UNC5D: variants seen among roughly 807,000 people sequenced by gnomAD.
The protein encoded by UNC5D is netrin receptor UNC5D.
UNC5D carries 39 observed loss-of-function variants against 105.4 expected under a neutral mutation model. That is an observed-to-expected ratio of 0.37 (90% CI 0.29 to 0.48). The LOEUF (loss-of-function observed/expected upper bound fraction) is 0.48. Among genes scored for constraint, UNC5D ranks in the 20% least tolerant of loss-of-function variants. The pLI, the probability that UNC5D is intolerant of heterozygous loss-of-function variation, is 0.98. For synonymous variants in UNC5D, 452 were observed against 450.4 expected (o/e 1.00, Z -0.04); for missense variants, 991 against 1,202.4 (o/e 0.82, Z 2.60).
chr8:35,632,573 C>A (rs973073707), intron 4 of UNC5D, among the ~76,000 whole-genome samples: 13 of 152,202 alleles, frequency 8.5e-5, no homozygotes, highest in Non-Finnish European at 1.5e-4. Context: ...TGTGCTGTTG[C>A]TGCTGCATGC....
chr8:35,511,164 C>G (rs538826549), intron 1 of UNC5D, among the ~76,000 whole-genome samples: 7 of 152,272 alleles, frequency 4.6e-5, no homozygotes, highest in African/African-American at 1.7e-4. Context: ...TCTTCCCATA[C>G]TTAGCACCAT....
chr8:35,377,454 C>G (rs937351267), intron 1 of UNC5D, among the ~76,000 whole-genome samples: 4 of 152,064 alleles, frequency 2.6e-5, no homozygotes, highest in African/African-American at 9.7e-5. Flanking sequence ...TCTGCAGGGC[C>G]CGGGATTGGG....
At chr8:35,624,288 A>C (rs1414267946) in intron 4 of UNC5D, among the ~76,000 whole-genome samples, 3 of 152,178 alleles carry the variant, frequency 2.0e-5, no homozygotes, top group Non-Finnish European at 4.4e-5. Context: ...TTAGTTCTTT[A>C]ATCAATACCT....
At chr8:35,569,499 CAT>C (rs1933983296) in intron 3 of UNC5D, among the ~76,000 whole-genome samples, 1 of 152,228 alleles carries the variant, frequency 6.6e-6, no homozygotes, top group Non-Finnish European at 1.5e-5. Flanking sequence ...TCAAAACACA[CAT>C]GTCACCTTCA....
chr8:35,653,986 T>C (rs867790119), intron 4 of UNC5D, among the ~76,000 whole-genome samples: 4 of 152,184 alleles, frequency 2.6e-5, no homozygotes, highest in African/African-American at 7.2e-5. Context: ...TAACTGAGAT[T>C]CATCTGCAGG....
intron 1 of UNC5D, among the ~76,000 whole-genome samples, chr8:35,528,768 G>T (rs1814092240): frequency 8.3e-5 from 12 of 144,304 alleles, no homozygotes; most frequent in Admixed American, 2.8e-4. Context: ...ATCTCATTGT[G>T]GTTTTGATTT....
intron 7 of UNC5D, among the ~76,000 whole-genome samples, chr8:35,695,316 A>C (rs1345156727): frequency 6.6e-6 from 1 of 152,172 alleles, no homozygotes; most frequent in Admixed American, 6.5e-5. Context: ...CAGGGGATCT[A>C]TAAGGTCCCA....
At chr8:35,274,992 G>T (rs1805675671) in intron 1 of UNC5D, among the ~76,000 whole-genome samples, 1 of 152,040 alleles carries the variant, frequency 6.6e-6, no homozygotes, top group African/African-American at 2.4e-5. Flanking sequence ...TCAGGAGGCT[G>T]AGGCAGGAGA....
intron 2 of UNC5D, among the ~76,000 whole-genome samples, chr8:35,563,905 G>A (rs1350471684): frequency 2.6e-5 from 4 of 152,048 alleles, no homozygotes; most frequent in African/African-American, 9.7e-5. Flanking sequence ...TTAATATGAT[G>A]TGTCATGTTT....
At chr8:35,281,359 G>A (rs1460828207) in intron 1 of UNC5D, among the ~76,000 whole-genome samples, 1 of 151,922 alleles carries the variant, frequency 6.6e-6, no homozygotes, top group African/African-American at 2.4e-5. Context: ...ATGTTACTGA[G>A]TGGAAGTGGT....
intron 1 of UNC5D, among the ~76,000 whole-genome samples, chr8:35,474,990 T>C (rs945100793): frequency 2.6e-5 from 4 of 152,060 alleles, no homozygotes; most frequent in East Asian, 1.9e-4. Flanking sequence ...GGAGGGTACA[T>C]TGTGAAAAGG....
intron 1 of UNC5D, among the ~76,000 whole-genome samples, chr8:35,492,079 A>G (rs1222701763): frequency 1.3e-5 from 2 of 151,208 alleles, no homozygotes; most frequent in Admixed American, 6.6e-5. Flanking sequence ...CATTGTTTTC[A>G]GAACATCACT....
At chr8:35,391,791 G>T (rs1355450598) in intron 1 of UNC5D, among the ~76,000 whole-genome samples, 2 of 152,148 alleles carry the variant, frequency 1.3e-5, no homozygotes, top group African/African-American at 4.8e-5. Flanking sequence ...GCAGTTCTTG[G>T]CATAAAAACT....
chr8:35,758,155 A>G (rs745334218), intron 13 of UNC5D, among the ~76,000 whole-genome samples: 8 of 152,244 alleles, frequency 5.3e-5, no homozygotes, highest in Non-Finnish European at 1.2e-4. Flanking sequence ...CTGGAAAAAG[A>G]TACTAGCAAC....
chr8:35,663,528 C>T (rs938188544), intron 4 of UNC5D, among the ~76,000 whole-genome samples: 13 of 152,186 alleles, frequency 8.5e-5, no homozygotes, highest in East Asian at 1.9e-4. Context: ...TGTTCTTTTT[C>T]GGTAACCATG....
chr8:35,654,467 CCT>C (rs1303484674), intron 4 of UNC5D, among the ~76,000 whole-genome samples: 4 of 152,106 alleles, frequency 2.6e-5, no homozygotes, highest in African/African-American at 9.7e-5. Flanking sequence ...GGCTTTGTCC[CCT>C]GTCTATACGC....
At position 35,611,010 on chromosome 8, in the gene UNC5D, C is replaced by CAAAA. The variant is rs11314770; in HGVS notation, c.570+15372_570+15375dup. 8.4e-3 allele frequency among the ~76,000 whole-genome samples: 502 copies of CAAAA among 60,012 alleles called. 4 individuals carry two copies. The highest frequency in any genetic ancestry group is 0.013 in the Non-Finnish European group (406 of 31,810). The allele number at this position is 60,012 out of a possible 152,430, so 39.4% of individuals were successfully genotyped here. On this transcript the variant is annotated intron_variant, in intron 4 of 16. Coordinates refer to ENST00000404895, the MANE Select transcript of UNC5D (RefSeq NM_080872.4). ...GTAGGTTTGCTATGAGACAAAGAAG[C>CAAAA]AAAAAAAAAAAAAAAAAAAAAAGTG...
intron 4 of UNC5D, among the ~76,000 whole-genome samples, chr8:35,657,806 A>G (rs1232077884): frequency 6.6e-6 from 1 of 152,206 alleles, no homozygotes; most frequent in African/African-American, 2.4e-5. Flanking sequence ...TTATTTTCAT[A>G]GCAATTTAAT....
chr8:35,761,413 C>T (rs61520251), intron 14 of UNC5D, among the ~76,000 whole-genome samples: 4,705 of 152,102 alleles, frequency 0.031, 261 homozygotes, highest in African/African-American at 0.11. Flanking sequence ...AAAGAAAGCC[C>T]CAGGAAGAAG....
Sources: gnomAD v4.1 joint callset for allele counts (sites outside exome capture counted in the v4.1 genomes callset) on GRCh38, gnomAD v4.1.1 for gene constraint, MANE v1.5 for transcripts, NCBI Gene and HGNC (gene_info 2026-07-23, HGNC 2026-07-21) for gene names.